The following FCMR variants were observed in gnomAD, a reference collection of about 807,000 sequenced individuals.
FCMR encodes the protein Fc mu receptor.
FCMR carries 34 observed loss-of-function variants against 41.6 expected under a neutral mutation model. The observed-to-expected ratio is 0.82, with a 90% confidence interval of 0.62 to 1.09. FCMR has a LOEUF of 1.09. FCMR is among the 50% of genes least tolerant of loss of function. The probability of loss-of-function intolerance (pLI) is 0.00; values close to 1 mark genes in which losing one functional copy is unlikely to be tolerated. For synonymous variants in FCMR, 209 were observed against 211.8 expected (o/e 0.99, Z 0.12); for missense variants, 496 against 512.5 (o/e 0.97, Z 0.31).
intron 7 of FCMR, among the ~76,000 whole-genome samples, chr1:206,908,587 G>A (rs1277241143): frequency 6.6e-6 from 1 of 152,064 alleles, no homozygotes; most frequent in Non-Finnish European, 1.5e-5. Flanking sequence ...AAGCGCTTGG[G>A]GACAACATGA....
upstream of FCMR, among the ~76,000 whole-genome samples, chr1:206,922,259 T>A (rs972685345): frequency 6.6e-6 from 1 of 152,222 alleles, no homozygotes; most frequent in Non-Finnish European, 1.5e-5. Flanking sequence ...GCTTTCATTC[T>A]GCCTTCAGGA....
intron 5 of FCMR, 99 bp downstream of exon 5, chr1:206,910,111 C>T: frequency 7.3e-7 from 1 of 1,364,414 alleles, no homozygotes; most frequent in Non-Finnish European, 9.8e-7. Flanking sequence ...GGCTGCTCAT[C>T]AAAAGCTCCG....
chr1:206,917,401 T>C (rs1461267563), intron 1 of FCMR, among the ~76,000 whole-genome samples: 6 of 152,074 alleles, frequency 3.9e-5, no homozygotes, highest in Non-Finnish European at 1.5e-5. Context: ...TTTCCAGATA[T>C]AGTAACCCGG....
chr1:206,914,464 C>G (rs1180349063), intron 1 of FCMR, among the ~76,000 whole-genome samples: 3 of 135,090 alleles, frequency 2.2e-5, no homozygotes, highest in Admixed American at 8.2e-5. Context: ...TAGGATCTCA[C>G]TCTGTTACGC....
At chr1:206,918,526 T>TA (rs1679289768) in intron 1 of FCMR, among the ~76,000 whole-genome samples, 9 of 152,152 alleles carry the variant, frequency 5.9e-5, no homozygotes, top group Admixed American at 5.9e-4. Context: ...TTAGGACAGC[T>TA]GAGAAAGAGC....
Position 206,909,583 on chromosome 1 carries a change from T to C in FCMR, c.986-63A>G. ...GGCTCCCGCCCCACCGTCATGCTACTACTCCCAGCTCCACCCCCGCCCCAC... is the reference window on the plus strand; with the variant it reads ...GGCTCCCGCCCCACCGTCATGCTACCACTCCCAGCTCCACCCCCGCCCCAC... On this transcript the variant is annotated intron_variant, in intron 6 of 7. Transcript: ENST00000367091. The surrounding 1 kb of genome is among the most constrained non-coding windows in gnomAD (Gnocchi z 5.0). The C allele has an allele frequency of 2.4e-6, 3 of 1,269,888 alleles. No homozygotes were observed. Among genetic ancestry groups the C allele is most frequent in the Non-Finnish European group, 3.0e-6 (3 of 988,920 alleles). 78.7% of individuals were successfully genotyped at this position (1,269,888 alleles called of 1,614,324 possible). A position where few individuals can be genotyped will look rare whatever the true frequency, so the allele number is the denominator to read the frequency against.
At chr1:206,915,021 G>A (rs947014415) in intron 1 of FCMR, among the ~76,000 whole-genome samples, 2 of 152,226 alleles carry the variant, frequency 1.3e-5, no homozygotes, top group South Asian at 2.1e-4. Flanking sequence ...AGCATGGTGC[G>A]GTTATGTTGC....
chr1:206,914,109 G>A lies in FCMR; in HGVS notation c.38-15C>T. 3 of 1,582,096 alleles carry A rather than the reference G, an allele frequency of 1.9e-6. No individual in the cohort carries two copies. Among genetic ancestry groups the A allele is most frequent in the African/African-American group, 1.3e-5 (1 of 74,580 alleles). ...GGCCCCCGATACTGCAGGGAGAGGA[G>A]ATTAATGCAGAGGGAGCCCCATCTC... On this transcript the variant is annotated splice_polypyrimidine_tract_variant and intron_variant, in intron 1 of 7. Coordinates refer to ENST00000367091, the MANE Select transcript of FCMR (RefSeq NM_005449.5).
intron 1 of FCMR, among the ~76,000 whole-genome samples, chr1:206,918,161 T>A (rs1196982320): frequency 1.3e-5 from 2 of 152,160 alleles, no homozygotes; most frequent in Non-Finnish European, 2.9e-5. Context: ...TTGTCTTCAT[T>A]TCCCCTCATC....
At chr1:206,922,137 C>G, upstream of FCMR, 1 of 504,720 alleles carries the variant, frequency 2.0e-6, no homozygotes. Flanking sequence ...TAAGAAGTTC[C>G]TCCAGACTAT....
chr1:206,915,853 G>A (rs115803213), intron 1 of FCMR, among the ~76,000 whole-genome samples: 1,754 of 152,214 alleles, frequency 0.012, 40 homozygotes, highest in African/African-American at 0.04. Flanking sequence ...GAGCACTATC[G>A]AGTTTAGTCA....
chr1:206,917,084 A>G (rs936979510), intron 1 of FCMR, among the ~76,000 whole-genome samples: 2 of 152,234 alleles, frequency 1.3e-5, no homozygotes, highest in African/African-American at 4.8e-5. Flanking sequence ...AGAGGGGGAT[A>G]TGTGGCTTAA....
rs979270766 is a variant in FCMR at position 206,910,086 on chromosome 1, C to T, written c.841+124G>A. ...AGACCAGTGGCCCCCACTTCCCTAA[C>T]TTCCCTACACCCCAGGCTGCTCATC... On this transcript the variant is annotated intron_variant, in intron 5 of 7. Transcript: ENST00000367091. 9.6e-6 allele frequency: 12 copies of T among 1,247,574 alleles called. No individual in the cohort carries two copies. The African/African-American group carries it at 1.9e-4, about 19-fold the overall frequency. The allele number at this position is 1,247,574 out of a possible 1,614,324, so 77.3% of individuals were successfully genotyped here. A position where few individuals can be genotyped will look rare whatever the true frequency, so the allele number is the denominator to read the frequency against.
chr1:206,912,885 C>T, intron 3 of FCMR, 44 bp downstream of exon 3: 2 of 1,312,058 alleles, frequency 1.5e-6, no homozygotes, highest in Non-Finnish European at 1.1e-6. Flanking sequence ...CACATTGCCA[C>T]AGCATCTCAC....
chr1:206,905,415 G>C (rs192299444), intron 7 of FCMR, among the ~76,000 whole-genome samples: 1 of 152,188 alleles, frequency 6.6e-6, no homozygotes, highest in Non-Finnish European at 1.5e-5. Context: ...GCATGGGCCT[G>C]AAAGAGACCC....
intron 5 of FCMR, 128 bp downstream of exon 5, chr1:206,910,082 C>G: frequency 3.2e-6 from 4 of 1,233,548 alleles, no homozygotes; most frequent in Non-Finnish European, 4.4e-6. Flanking sequence ...CCCCACTTCC[C>G]TAACTTCCCT....
intron 7 of FCMR, among the ~76,000 whole-genome samples, chr1:206,908,854 G>A (rs1320334964): frequency 2.0e-5 from 3 of 152,126 alleles, no homozygotes; most frequent in Non-Finnish European, 4.4e-5. Flanking sequence ...AAAGATGAAC[G>A]GATAAAGGCT....
At chr1:206,922,441 A>G (rs1173937866), upstream of FCMR, among the ~76,000 whole-genome samples, 2 of 152,244 alleles carry the variant, frequency 1.3e-5, no homozygotes, top group Non-Finnish European at 2.9e-5. Flanking sequence ...GACTTTGAGC[A>G]ATCCATTACT....
chr1:206,915,847 A>G (rs902590955), intron 1 of FCMR, among the ~76,000 whole-genome samples: 1 of 152,192 alleles, frequency 6.6e-6, no homozygotes, highest in African/African-American at 2.4e-5. Context: ...TAAGAAGAGC[A>G]CTATCGAGTT....
Sources: gnomAD v4.1 joint callset for allele counts (sites outside exome capture counted in the v4.1 genomes callset) on GRCh38, gnomAD v4.1.1 for gene constraint, Gnocchi (gnomAD v3.1) non-coding constraint, MANE v1.5 for transcripts, NCBI Gene and HGNC (gene_info 2026-07-23, HGNC 2026-07-21) for gene names.